Variants in HMCN1 observed in about 807,000 individuals in gnomAD.
HMCN1 encodes hemicentin 1.
A neutral mutation model predicts 625.9 loss-of-function variants in HMCN1; 321 were observed. The observed-to-expected ratio is 0.51, with a 90% CI of 0.47 to 0.56. The LOEUF (loss-of-function observed/expected upper bound fraction) is 0.56, where lower values mean the gene tolerates loss of function less well. Among genes scored for constraint, HMCN1 ranks in the 20% least tolerant of loss-of-function variants. The pLI is 0.00. For missense variants in HMCN1, 6,588 were observed against 6,887.3 expected, an observed-to-expected ratio of 0.96 and a Z score of 1.54; for synonymous variants, 2,425 against 2,417.6, an observed-to-expected ratio of 1.00 and a Z score of -0.09.
chr1:186,081,340 G>C lies in HMCN1; in HGVS notation c.8733G>C (p.Gln2911His). The C allele has an allele frequency of 6.2e-7, 1 of 1,613,734 alleles. No homozygotes were observed. ...GGAATTCCTGGCAGAAAGATGGACA[G>C]CCCTTGCTAGAAGATGACCATCATA... is the stretch of plus-strand genomic sequence containing the variant. ...APRNSWQKDG[Q>H]PLLEDDHHKF... is the part of the protein sequence containing the mutation. The change falls in exon 56 of 107, where the codon CAG becomes CAC. Residue 2911 changes from glutamine (Q) to histidine (H), a missense_variant. By Grantham distance (24) the Gln-to-His change is conservative. Around this residue, in one of 3 missense-constraint regions of HMCN1, gnomAD observed 4,628 missense variants for 4,853.1 expected, o/e 0.95. Coordinates refer to ENST00000271588, the MANE Select transcript of HMCN1 (RefSeq NM_031935.3).
At chr1:185,906,324 T>G (rs977707345) in intron 4 of HMCN1, among the ~76,000 whole-genome samples, 1 of 151,988 alleles carries the variant, frequency 6.6e-6, no homozygotes, top group South Asian at 2.1e-4. Context: ...GACAGAAGTC[T>G]GCACTATGTC....
At chr1:186,157,916 T>C (rs1036693251) in intron 97 of HMCN1, among the ~76,000 whole-genome samples, 159 of 152,280 alleles carry the variant, frequency 1.0e-3, no homozygotes, top group African/African-American at 3.7e-3. Flanking sequence ...TGCATGTGTC[T>C]TTATAGCAGC....
At chr1:186,073,421 A>G (rs1321165639) in intron 52 of HMCN1, among the ~76,000 whole-genome samples, 1 of 152,186 alleles carries the variant, frequency 6.6e-6, no homozygotes, top group Non-Finnish European at 1.5e-5. Flanking sequence ...TTTTTAAGTC[A>G]TTTGGCAACA....
intron 40 of HMCN1, among the ~76,000 whole-genome samples, chr1:186,044,986 G>A (rs1656468114): frequency 6.6e-6 from 1 of 152,062 alleles, no homozygotes. Context: ...TATAGCCAGG[G>A]AATCCTAATG....
At chr1:185,978,045 AC>A (rs1651355048) in intron 16 of HMCN1, 64 bp downstream of exon 16, 2 of 1,151,910 alleles carry the variant, frequency 1.7e-6, no homozygotes, top group Admixed American at 1.9e-5. Context: ...TATGTTTTAT[AC>A]ATAGGTATTG....
chr1:185,872,479 T>C (rs1222063205), intron 4 of HMCN1, among the ~76,000 whole-genome samples: 3 of 152,206 alleles, frequency 2.0e-5, no homozygotes, highest in Admixed American at 6.5e-5. Context: ...TGTAGGCTTC[T>C]GAGCATTGAA....
At chr1:185,832,164 C>T (rs766930885) in intron 1 of HMCN1, among the ~76,000 whole-genome samples, 33 of 152,050 alleles carry the variant, frequency 2.2e-4, no homozygotes, top group East Asian at 3.9e-4. Flanking sequence ...GGCGTGGTGG[C>T]GCATGCTTGT....
chr1:185,924,997 G>T (rs1249150105), intron 8 of HMCN1, 50 bp from the exon 9 acceptor site: 2 of 1,499,476 alleles, frequency 1.3e-6, no homozygotes, highest in Non-Finnish European at 1.8e-6. Context: ...TAACATCATT[G>T]TGACCTTCTT....
chr1:185,862,245 T>A (rs2102351198), intron 2 of HMCN1, among the ~76,000 whole-genome samples: 1 of 152,268 alleles, frequency 6.6e-6, no homozygotes, highest in South Asian at 2.1e-4. Flanking sequence ...AGGAACGTGA[T>A]GTATATACCT....
At chr1:186,040,259 A>G (rs1438775003) in intron 39 of HMCN1, among the ~76,000 whole-genome samples, 1 of 152,120 alleles carries the variant, frequency 6.6e-6, no homozygotes, top group Non-Finnish European at 1.5e-5. Flanking sequence ...TGAAATAGTA[A>G]TGAATCAGAG....
intron 1 of HMCN1, among the ~76,000 whole-genome samples, chr1:185,803,531 A>T (rs1658964149): frequency 6.6e-6 from 1 of 152,064 alleles, no homozygotes; most frequent in Admixed American, 6.6e-5. Context: ...GGTGAGGGAA[A>T]AAAGGGAGTT....
chr1:186,128,666 A>G (rs1571392260), intron 83 of HMCN1, among the ~76,000 whole-genome samples: 2 of 152,094 alleles, frequency 1.3e-5, no homozygotes, highest in East Asian at 3.9e-4. Flanking sequence ...GATTCACTTA[A>G]TTTTACAGAG....
At position 185,925,210 on chromosome 1, in the gene HMCN1, C is replaced by G; in HGVS notation, c.1430+19C>G. The G allele has an allele frequency of 1.2e-6, 2 of 1,602,896 alleles. No homozygotes were observed. Among genetic ancestry groups the G allele is most frequent in the South Asian group, 1.1e-5 (1 of 90,828 alleles). ...ATTTGAAGTAGGTACATGTTTCTGT[C>G]AGTAATAAGATTCAGCATTTAACAT... is the stretch of plus-strand genomic sequence containing the variant. On this transcript the variant is annotated intron_variant, in intron 9 of 106. Transcript: ENST00000271588.
intron 1 of HMCN1, among the ~76,000 whole-genome samples, chr1:185,787,880 A>G (rs1008429313): frequency 6.6e-6 from 1 of 152,204 alleles, no homozygotes; most frequent in African/African-American, 2.4e-5. Context: ...ATAACTTAAT[A>G]AAGGTCAAAA....
chr1:185,971,963 G>C (rs1410374123), intron 15 of HMCN1, among the ~76,000 whole-genome samples: 2 of 152,120 alleles, frequency 1.3e-5, no homozygotes, highest in Non-Finnish European at 2.9e-5. Flanking sequence ...TGGGTGGAGG[G>C]TAGCTCTGAA....
At chr1:185,795,408 T>C (rs1658305175) in intron 1 of HMCN1, among the ~76,000 whole-genome samples, 1 of 152,208 alleles carries the variant, frequency 6.6e-6, no homozygotes, top group Non-Finnish European at 1.5e-5. Flanking sequence ...GAGCTGCATG[T>C]TGAGTTGGTT....
chr1:185,789,751 T>A (rs1252016198), intron 1 of HMCN1, among the ~76,000 whole-genome samples: 1 of 152,226 alleles, frequency 6.6e-6, no homozygotes, highest in African/African-American at 2.4e-5. Context: ...GCCTCTGCCT[T>A]AGCTGTTTTC....
In HMCN1 at chr1:186,038,932, T is replaced by C; in HGVS notation, c.5955T>C (p.Asp1985=). ...ATATTGAAAGTGCCCAGATCTCAGATGCTGGCATATATAAATGCGTGGCCA... is the reference window on the plus strand; with the variant it reads ...ATATTGAAAGTGCCCAGATCTCAGACGCTGGCATATATAAATGCGTGGCCA... ...IIDIESAQIS[D]AGIYKCVAIN... Residue 1985 remains aspartate, a synonymous_variant, in exon 38 of 107, where the codon GAT becomes GAC. Transcript: ENST00000271588. 6.2e-7 allele frequency: 1 copy of C among 1,611,046 alleles called. No individual in the cohort carries two copies. The highest frequency in any genetic ancestry group is 1.1e-5 in the South Asian group (1 of 91,022).
chr1:185,899,913 G>A (rs542826115), intron 4 of HMCN1, among the ~76,000 whole-genome samples: 8 of 152,072 alleles, frequency 5.3e-5, no homozygotes, highest in South Asian at 4.2e-4. Context: ...CCATACATCT[G>A]TCTCATTCTT....
Sources: gnomAD v4.1 joint callset for allele counts (sites outside exome capture counted in the v4.1 genomes callset) on GRCh38, gnomAD v4.1.1 for gene constraint, gnomAD v4.1.1 regional missense constraint, MANE v1.5 for transcripts, NCBI Gene and HGNC (gene_info 2026-07-23, HGNC 2026-07-21) for gene names.